The following PTPN14 variants were observed in gnomAD, a reference collection of about 807,000 sequenced individuals.
PTPN14 encodes the protein protein tyrosine phosphatase non-receptor type 14, also known as tyrosine-protein phosphatase non-receptor type 14.
Under a neutral mutation model 126.8 loss-of-function variants are expected in PTPN14, and 53 were observed. The ratio of observed to expected loss-of-function variants is 0.42; its 90% CI spans 0.34 to 0.53. The LOEUF (loss-of-function observed/expected upper bound fraction) is 0.53. Among genes scored for constraint, PTPN14 ranks in the 20% least tolerant of loss-of-function variants. The pLI is 0.08. For missense variants in PTPN14, 1,257 were observed against 1,552.9 expected (o/e 0.81, Z 3.20); for synonymous variants, 630 against 599.3 (o/e 1.05, Z -0.75).
intron 1 of PTPN14, among the ~76,000 whole-genome samples, chr1:214,547,113 T>G (rs939824415): frequency 2.0e-5 from 3 of 152,164 alleles, no homozygotes; most frequent in Admixed American, 6.5e-5. Context: ...TTGCATCATA[T>G]CCTTTAATTC....
intron 1 of PTPN14, among the ~76,000 whole-genome samples, chr1:214,517,262 C>T (rs1031867590): frequency 6.6e-6 from 1 of 152,094 alleles, no homozygotes; most frequent in African/African-American, 2.4e-5. Flanking sequence ...CATAAACAAA[C>T]TTTATGTATG....
At chr1:214,495,559 A>G (rs1166527733) in intron 1 of PTPN14, among the ~76,000 whole-genome samples, 4 of 152,328 alleles carry the variant, frequency 2.6e-5, no homozygotes, top group Non-Finnish European at 5.9e-5. Flanking sequence ...GTTCCAATTA[A>G]TCCACTCCAG....
intron 18 of PTPN14, among the ~76,000 whole-genome samples, chr1:214,362,180 G>A (rs536211110): frequency 6.6e-6 from 1 of 152,260 alleles, no homozygotes; most frequent in African/African-American, 2.4e-5. Context: ...GATCTTACTA[G>A]CCAGGCCTGA....
At chr1:214,465,003 T>C in intron 1 of PTPN14, 46 bp from the exon 2 acceptor site, 1 of 572,004 alleles carries the variant, frequency 1.7e-6, no homozygotes. Flanking sequence ...AGAAGGGACC[T>C]ATCAATGGTA....
At chr1:214,451,229 C>T (rs759716694) in intron 3 of PTPN14, among the ~76,000 whole-genome samples, 1 of 152,036 alleles carries the variant, frequency 6.6e-6, no homozygotes, top group Non-Finnish European at 1.5e-5. Flanking sequence ...GGCATGATCA[C>T]GGCTCACTGC....
At chr1:214,543,430 C>G (rs1471667060) in intron 1 of PTPN14, among the ~76,000 whole-genome samples, 1 of 152,012 alleles carries the variant, frequency 6.6e-6, no homozygotes, top group African/African-American at 2.4e-5. Context: ...TTTGTCTCCT[C>G]AAATGAACAA....
chr1:214,480,499 A>G (rs1026235896), intron 1 of PTPN14, among the ~76,000 whole-genome samples: 31 of 152,358 alleles, frequency 2.0e-4, no homozygotes, highest in African/African-American at 7.2e-4. Flanking sequence ...CAATGTCTTC[A>G]TGTGACAGGA....
chr1:214,354,915 T>C lies in PTPN14; in HGVS notation c.*3007A>G, dbSNP rs1469592413. 1 of 152,214 alleles carries C rather than the reference T, an allele frequency of 6.6e-6. No individual in the cohort carries two copies. Among genetic ancestry groups the C allele is most frequent in the Non-Finnish European group, 1.5e-5 (1 of 68,034 alleles). The allele number at this position is 152,214 out of a possible 1,614,324, so 9.4% of individuals were successfully genotyped here. A position where few individuals can be genotyped will look rare whatever the true frequency, so the allele number is the denominator to read the frequency against. ...TAATTTAATACACTTTGCTTCAAGG[T>C]TTATTCCTTGGCTTGCTTCCCAGAT... On this transcript the variant is annotated 3_prime_UTR_variant, in exon 19 of 19. Coordinates refer to ENST00000366956, the MANE Select transcript of PTPN14 (RefSeq NM_005401.5).
At chr1:214,457,672 T>A (rs1343587318) in intron 2 of PTPN14, among the ~76,000 whole-genome samples, 1 of 152,230 alleles carries the variant, frequency 6.6e-6, no homozygotes, top group Non-Finnish European at 1.5e-5. Context: ...ATTTTAAATC[T>A]TCTAGAAGCC....
Position 214,433,951 on chromosome 1 carries a change from CAAAA to C in PTPN14, c.344+17850_344+17853del, listed in dbSNP as rs1158472144. 5.5e-3 allele frequency among the ~76,000 whole-genome samples: 539 copies of C among 98,540 alleles called. 7 individuals carry two copies. Among genetic ancestry groups the C allele is most frequent in the South Asian group, 0.029 (96 of 3,328 alleles). 64.6% of individuals were successfully genotyped at this position (98,540 alleles called of 152,430 possible). On this transcript the variant is annotated intron_variant, in intron 3 of 18. Coordinates refer to ENST00000366956, the MANE Select transcript of PTPN14 (RefSeq NM_005401.5). The stretch of plus-strand genomic sequence containing the variant: ...ACACACACACACACACACACACACA[CAAAA>C]AAAAAAAAAAAAAAAAACTCAAAAA...
At chr1:214,483,126 C>G in intron 1 of PTPN14, 1 of 1,609,568 alleles carries the variant, frequency 6.2e-7, no homozygotes, top group Non-Finnish European at 8.5e-7. Context: ...TGAATGACAT[C>G]TAAAATGCCA....
intron 9 of PTPN14, among the ~76,000 whole-genome samples, chr1:214,394,671 G>A (rs985647429): frequency 6.6e-6 from 1 of 152,236 alleles, no homozygotes; most frequent in South Asian, 2.1e-4. Flanking sequence ...GCCTCCCAAA[G>A]TGTTGGGATT....
chr1:214,390,045 C>T (rs1466674301), intron 11 of PTPN14, among the ~76,000 whole-genome samples: 25 of 152,178 alleles, frequency 1.6e-4, no homozygotes, highest in Non-Finnish European at 5.9e-5. Flanking sequence ...AAACTTTTCT[C>T]AAAACGCTCC....
chr1:214,500,669 C>G (rs561713376), intron 1 of PTPN14, among the ~76,000 whole-genome samples: 1 of 152,132 alleles, frequency 6.6e-6, no homozygotes, highest in African/African-American at 2.4e-5. Flanking sequence ...CAGATTTTAA[C>G]CGATATAAGG....
At chr1:214,492,410 G>A (rs1437994627) in intron 1 of PTPN14, among the ~76,000 whole-genome samples, 2 of 152,192 alleles carry the variant, frequency 1.3e-5, no homozygotes, top group Non-Finnish European at 2.9e-5. Context: ...TTACAAACCT[G>A]TAGAGACACA....
At chr1:214,468,112 A>G (rs1198323821) in intron 1 of PTPN14, among the ~76,000 whole-genome samples, 1 of 152,242 alleles carries the variant, frequency 6.6e-6, no homozygotes, top group Non-Finnish European at 1.5e-5. Context: ...AGATGATATT[A>G]ATGTATTTTT....
chr1:214,503,434 T>G (rs1352293884), intron 1 of PTPN14, among the ~76,000 whole-genome samples: 1 of 152,198 alleles, frequency 6.6e-6, no homozygotes, highest in Non-Finnish European at 1.5e-5. Context: ...CTGCCTCGCT[T>G]CCATTTTTAT....
intron 1 of PTPN14, among the ~76,000 whole-genome samples, chr1:214,467,582 G>C (rs17023030): frequency 0.81 from 122,954 of 151,920 alleles, 49,715 homozygotes; most frequent in African/African-American, 0.83. Context: ...AAAACACAAA[G>C]AGGAAAGAAT....
At chr1:214,465,951 C>CTTTTTTTTTTGTTTTTTTTTTTTTTTT (rs1660625819) in intron 1 of PTPN14, among the ~76,000 whole-genome samples, 1 of 59,024 alleles carries the variant, frequency 1.7e-5, no homozygotes, top group Non-Finnish European at 2.9e-5. Context: ...CAGTTACTTC[C>CTTTTTTTTTTGTTTTTTTTTTTTTTTT]TTTTTTTTTT....
Sources: gnomAD v4.1 joint callset for allele counts (sites outside exome capture counted in the v4.1 genomes callset) on GRCh38, gnomAD v4.1.1 for gene constraint, MANE v1.5 for transcripts, NCBI Gene and HGNC (gene_info 2026-07-23, HGNC 2026-07-21) for gene names.